Variants in SDK1 observed in about 807,000 individuals in gnomAD.
SDK1 encodes protein sidekick-1.
Under a neutral mutation model 245.5 loss-of-function variants are expected in SDK1, and 157 were observed. That is an observed-to-expected ratio of 0.64 (90% CI 0.56 to 0.73). The LOEUF (loss-of-function observed/expected upper bound fraction) is 0.73, where lower values mean the gene tolerates loss of function less well. Ranked by LOEUF, SDK1 falls within the 30% of genes least tolerant of loss-of-function variation. The probability of loss-of-function intolerance (pLI) is 0.00; values close to 1 mark genes in which losing one functional copy is unlikely to be tolerated. For synonymous variants in SDK1, 1,647 were observed against 1,278.5 expected (o/e 1.29, Z -6.15); for missense variants, 3,583 against 3,002.3 (o/e 1.19, Z -4.52).
At chr7:3,970,275 A>C (rs1237839676) in intron 11 of SDK1, among the ~76,000 whole-genome samples, 1 of 152,074 alleles carries the variant, frequency 6.6e-6, no homozygotes, top group Non-Finnish European at 1.5e-5. Context: ...ATTGTGCTTC[A>C]TTTCATATTT....
chr7:3,383,309 A>G (rs1781535168), intron 1 of SDK1, among the ~76,000 whole-genome samples: 1 of 152,008 alleles, frequency 6.6e-6, no homozygotes, highest in Admixed American at 6.6e-5. Context: ...TACTAGGGAG[A>G]CTGAGATGGA....
At chr7:4,169,259 C>CAGTCTCCTT (rs767704851) in intron 32 of SDK1, among the ~76,000 whole-genome samples, 2 of 152,214 alleles carry the variant, frequency 1.3e-5, no homozygotes, top group Non-Finnish European at 2.9e-5. Context: ...CCGTTCTGGC[C>CAGTCTCCTT]AGTCTCCTTC....
At chr7:3,964,260 G>A (rs1475802468) in intron 9 of SDK1, among the ~76,000 whole-genome samples, 1 of 152,192 alleles carries the variant, frequency 6.6e-6, no homozygotes, top group Non-Finnish European at 1.5e-5. Context: ...TGGGGAAACT[G>A]CTGAGGCCCA....
Position 3,972,406 on chromosome 7 carries a change from C to A in SDK1, c.1817+838C>A, listed in dbSNP as rs1180987108. ...GGGTTCTCTAAAGGAATGCCGACAT[C>A]CTGTCTTTGTTTAAATTCGGGCCAG... On this transcript the variant is annotated intron_variant, in intron 12 of 44. Transcript: ENST00000404826. Among the ~76,000 whole-genome samples, 3 of 152,108 alleles carry A rather than the reference C, an allele frequency of 2.0e-5. 1 individual carries two copies. The highest frequency in any genetic ancestry group is 4.1e-4 in the South Asian group (2 of 4,824).
At chr7:4,080,773 G>A (rs1407201596) in intron 22 of SDK1, among the ~76,000 whole-genome samples, 1 of 151,848 alleles carries the variant, frequency 6.6e-6, no homozygotes, top group African/African-American at 2.4e-5. Context: ...CGAGTTAATG[G>A]GTGCAGCACA....
chr7:3,539,161 T>C (rs745818755), intron 1 of SDK1, among the ~76,000 whole-genome samples: 3 of 152,230 alleles, frequency 2.0e-5, no homozygotes, highest in Non-Finnish European at 4.4e-5. Context: ...TCATATTTTC[T>C]ATCCCCAAGT....
intron 5 of SDK1, 102 bp from the exon 6 acceptor site, chr7:3,950,821 T>C: frequency 1.2e-6 from 1 of 800,160 alleles, no homozygotes. Context: ...TCTCTTTGGT[T>C]TTAGGTATCC....
At chr7:3,309,271 C>T (rs1525555) in intron 1 of SDK1, among the ~76,000 whole-genome samples, 5 of 151,990 alleles carry the variant, frequency 3.3e-5, no homozygotes, top group South Asian at 2.1e-4. Flanking sequence ...CCAAGCCCTT[C>T]TATACAATGG....
intron 1 of SDK1, among the ~76,000 whole-genome samples, chr7:3,483,561 A>T (rs996917731): frequency 2.0e-5 from 3 of 152,168 alleles, no homozygotes; most frequent in Admixed American, 1.3e-4. Flanking sequence ...ATCTTATTGC[A>T]ATCCCTGCAC....
intron 1 of SDK1, among the ~76,000 whole-genome samples, chr7:3,492,360 G>T (rs1437698956): frequency 6.6e-6 from 1 of 152,194 alleles, no homozygotes; most frequent in Admixed American, 6.5e-5. Flanking sequence ...CAGGCATGGT[G>T]GCAGGCACCT....
At chr7:4,170,910 G>A (rs761038221) in intron 32 of SDK1, among the ~76,000 whole-genome samples, 16 of 152,258 alleles carry the variant, frequency 1.1e-4, no homozygotes, top group Middle Eastern at 6.8e-3. Flanking sequence ...CTGCTTTGTC[G>A]TCAAAATCAT....
At chr7:3,352,391 G>T (rs998017297) in intron 1 of SDK1, among the ~76,000 whole-genome samples, 1 of 152,082 alleles carries the variant, frequency 6.6e-6, no homozygotes, top group Non-Finnish European at 1.5e-5. Flanking sequence ...CTAAATGGGG[G>T]AAGAGATCAT....
At chr7:3,926,794 G>A (rs1476959327) in intron 5 of SDK1, among the ~76,000 whole-genome samples, 2 of 152,244 alleles carry the variant, frequency 1.3e-5, no homozygotes, top group African/African-American at 2.4e-5. Flanking sequence ...TGCAGACCTG[G>A]CTTTGTGTTC....
At chr7:3,690,124 C>A (rs572538850) in intron 4 of SDK1, among the ~76,000 whole-genome samples, 4 of 152,274 alleles carry the variant, frequency 2.6e-5, no homozygotes, top group African/African-American at 9.6e-5. Flanking sequence ...CAGATCGAAC[C>A]TTTTGGAAAA....
chr7:3,448,938 A>G (rs2128590984), intron 1 of SDK1, among the ~76,000 whole-genome samples: 1 of 152,322 alleles, frequency 6.6e-6, no homozygotes, highest in Non-Finnish European at 1.5e-5. Flanking sequence ...ATTCCTGCGA[A>G]CAAATTCACT....
intron 4 of SDK1, among the ~76,000 whole-genome samples, chr7:3,757,045 G>T (rs755317660): frequency 2.0e-5 from 3 of 151,936 alleles, no homozygotes; most frequent in Non-Finnish European, 4.4e-5. Flanking sequence ...TTTCCATACT[G>T]ATTCTCCAAC....
intron 1 of SDK1, among the ~76,000 whole-genome samples, chr7:3,391,883 C>T (rs1781766286): frequency 1.3e-5 from 2 of 151,468 alleles, no homozygotes; most frequent in African/African-American, 4.9e-5. Context: ...CCTGCGTTGC[C>T]CTCCCAAAGT....
At chr7:3,647,548 TCCAGAGCA>T (rs1391834201) in intron 4 of SDK1, among the ~76,000 whole-genome samples, 1 of 152,180 alleles carries the variant, frequency 6.6e-6, no homozygotes, top group Non-Finnish European at 1.5e-5. Context: ...TGCTTCAGCC[TCCAGAGCA>T]CCTGGGATTA....
At chr7:3,718,936 A>T (rs1027304832) in intron 4 of SDK1, among the ~76,000 whole-genome samples, 2 of 152,250 alleles carry the variant, frequency 1.3e-5, no homozygotes, top group African/African-American at 4.8e-5. Flanking sequence ...TGCAGTATAC[A>T]AAATCAACAC....
Sources: gnomAD v4.1 joint callset for allele counts (sites outside exome capture counted in the v4.1 genomes callset) on GRCh38, gnomAD v4.1.1 for gene constraint, MANE v1.5 for transcripts, NCBI Gene and HGNC (gene_info 2026-07-23, HGNC 2026-07-21) for gene names.